Variants in ITGA9 observed in about 807,000 individuals in gnomAD.
ITGA9 encodes integrin subunit alpha 9.
In ITGA9, 56 loss-of-function variants were observed where a neutral mutation model predicts 127.8. The ratio of observed to expected loss-of-function variants is 0.44; its 90% CI spans 0.35 to 0.55. ITGA9 has a LOEUF of 0.55. Ranked by LOEUF, ITGA9 falls within the 20% of genes least tolerant of loss-of-function variation. ITGA9 has a pLI of 0.00. For missense variants in ITGA9, 1,196 were observed against 1,347.1 expected (o/e 0.89, Z 1.76); for synonymous variants, 508 against 514.5 (o/e 0.99, Z 0.17).
chr3:37,785,023 T>A lies in ITGA9; in HGVS notation c.2834T>A (p.Val945Glu). The change falls in exon 26 of 28, where the codon GTG becomes GAG. Residue 945 changes from valine (V) to glutamate (E), a missense_variant. Transcript: ENST00000264741. ...IQFMSRAKVK[V>E]DPALRVVEIA... The stretch of plus-strand genomic sequence containing the variant: ...TTCATGTCCCGCGCCAAGGTGAAGG[T>A]GGATCCTGCCCTAAGGGTGGTGGAA... 2 of 1,614,116 alleles carry A rather than the reference T, an allele frequency of 1.2e-6. No individual in the cohort carries two copies. The highest frequency in any genetic ancestry group is 3.3e-5 in the Admixed American group (2 of 60,010).
chr3:37,628,518 C>T (rs914280433), intron 15 of ITGA9, among the ~76,000 whole-genome samples: 1 of 152,176 alleles, frequency 6.6e-6, no homozygotes, highest in Non-Finnish European at 1.5e-5. Flanking sequence ...CCTTCACTCA[C>T]AGGGCGTGGG....
At chr3:37,595,151 C>T (rs943688138) in intron 15 of ITGA9, among the ~76,000 whole-genome samples, 1 of 151,878 alleles carries the variant, frequency 6.6e-6, no homozygotes, top group Non-Finnish European at 1.5e-5. Flanking sequence ...GACACCCAGG[C>T]GGGAGTGCAG....
intron 20 of ITGA9, among the ~76,000 whole-genome samples, chr3:37,739,835 C>T (rs1400306356): frequency 6.6e-6 from 1 of 152,172 alleles, no homozygotes; most frequent in East Asian, 1.9e-4. Flanking sequence ...GGGAGTGGGC[C>T]AGGATGGTGT....
chr3:37,667,116 T>C (rs934998306), intron 17 of ITGA9, among the ~76,000 whole-genome samples: 1 of 152,154 alleles, frequency 6.6e-6, no homozygotes, highest in African/African-American at 2.4e-5. Context: ...ACATGGATGA[T>C]ATCTCCTGTA....
intron 15 of ITGA9, among the ~76,000 whole-genome samples, chr3:37,585,797 C>T (rs528355229): frequency 6.3e-5 from 4 of 63,204 alleles, no homozygotes; most frequent in Non-Finnish European, 1.2e-4. Context: ...AAGAAGGGGG[C>T]CCCCCCAATT....
intron 18 of ITGA9, among the ~76,000 whole-genome samples, chr3:37,705,958 A>G (rs1701000718): frequency 6.6e-6 from 1 of 152,184 alleles, no homozygotes; most frequent in South Asian, 2.1e-4. Flanking sequence ...CCCATGTGGT[A>G]TCTTCCTTTT....
chr3:37,470,142 T>G (rs1483706461), intron 1 of ITGA9, among the ~76,000 whole-genome samples: 2 of 149,140 alleles, frequency 1.3e-5, no homozygotes, highest in Non-Finnish European at 3.0e-5. Context: ...TTCTTCTTGT[T>G]TTTTTTTTTT....
At chr3:37,503,085 A>G in intron 5 of ITGA9, 93 bp from the exon 6 acceptor site, 1 of 1,466,596 alleles carries the variant, frequency 6.8e-7, no homozygotes, top group Non-Finnish European at 9.4e-7. Context: ...GGTGTGAGGA[A>G]TTTCTCCTTT....
At chr3:37,728,087 T>G (rs2125526280) in intron 18 of ITGA9, among the ~76,000 whole-genome samples, 1 of 152,220 alleles carries the variant, frequency 6.6e-6, no homozygotes, top group East Asian at 1.9e-4. Context: ...TGGTCCGCGT[T>G]CCCAGTCAGC....
At chr3:37,802,192 A>G (rs1229018796) in intron 26 of ITGA9, among the ~76,000 whole-genome samples, 2 of 152,216 alleles carry the variant, frequency 1.3e-5, no homozygotes, top group Non-Finnish European at 2.9e-5. Context: ...AAGACCTCAT[A>G]GGGCTGTTGT....
chr3:37,727,110 C>A (rs1696220786), intron 18 of ITGA9, among the ~76,000 whole-genome samples: 1 of 152,194 alleles, frequency 6.6e-6, no homozygotes, highest in Non-Finnish European at 1.5e-5. Flanking sequence ...CGATTGTTTA[C>A]CCTGGTGATG....
intron 15 of ITGA9, among the ~76,000 whole-genome samples, chr3:37,586,610 G>A (rs776478295): frequency 2.0e-5 from 3 of 152,234 alleles, no homozygotes; most frequent in Non-Finnish European, 2.9e-5. Context: ...GCGGCCTTCA[G>A]TATCAAATGC....
intron 25 of ITGA9, among the ~76,000 whole-genome samples, 153 bp downstream of exon 25, chr3:37,780,174 CTG>C (rs1017665261): frequency 5.9e-5 from 9 of 152,230 alleles, no homozygotes; most frequent in African/African-American, 1.4e-4. Flanking sequence ...CTACAAGAGA[CTG>C]TTTTTATTTT....
intron 17 of ITGA9, among the ~76,000 whole-genome samples, chr3:37,667,975 G>A (rs1488373006): frequency 6.6e-6 from 1 of 152,162 alleles, no homozygotes; most frequent in African/African-American, 2.4e-5. Flanking sequence ...CATTTGATTT[G>A]CAGTTTCCTG....
At chr3:37,642,958 A>C (rs1050945114) in intron 16 of ITGA9, among the ~76,000 whole-genome samples, 9 of 152,220 alleles carry the variant, frequency 5.9e-5, no homozygotes, top group African/African-American at 2.2e-4. Context: ...ACATGCCATT[A>C]TTTACAGCTC....
chr3:37,597,604 T>G lies in ITGA9; in HGVS notation c.1690-31583T>G, dbSNP rs1416525223. The stretch of plus-strand genomic sequence containing the variant: ...AGGTGCACCTGTCCGTAGTAAGTAC[T>G]CAGTAAATGACTGGTGAATGAATGT... On this transcript the variant is annotated intron_variant, in intron 15 of 27. Coordinates refer to ENST00000264741, the MANE Select transcript of ITGA9 (RefSeq NM_002207.3). The surrounding 1 kb of genome is among the most constrained non-coding windows in gnomAD (Gnocchi z 4.6). Among the ~76,000 whole-genome samples the G allele has an allele frequency of 6.6e-6, 1 of 152,196 alleles. No individual in the cohort carries two copies. Among genetic ancestry groups the G allele is most frequent in the African/African-American group, 2.4e-5 (1 of 41,444 alleles).
intron 18 of ITGA9, among the ~76,000 whole-genome samples, chr3:37,712,338 A>G (rs1363055863): frequency 1.7e-5 from 2 of 118,542 alleles, no homozygotes; most frequent in South Asian, 3.3e-4. Context: ...GTCTGGAGCC[A>G]TGGTGGCTGG....
intron 18 of ITGA9, among the ~76,000 whole-genome samples, chr3:37,712,661 C>T (rs1279023822): frequency 2.6e-5 from 4 of 152,170 alleles, no homozygotes; most frequent in East Asian, 1.9e-4. Context: ...CTTTTGGCTT[C>T]GTTCTCAAAC....
intron 14 of ITGA9, among the ~76,000 whole-genome samples, chr3:37,535,706 G>A (rs1256748495): frequency 6.6e-6 from 1 of 152,172 alleles, no homozygotes; most frequent in African/African-American, 2.4e-5. Context: ...TGGGTTCATA[G>A]ATAAAGTCAA....
Sources: allele counts gnomAD v4.1 joint callset (sites outside exome capture counted in the v4.1 genomes callset), GRCh38; gene constraint gnomAD v4.1.1; non-coding constraint Gnocchi (gnomAD v3.1); transcripts MANE v1.5; gene names NCBI Gene and HGNC (gene_info 2026-07-23, HGNC 2026-07-21).